LMBR1: variants seen among roughly 807,000 people sequenced by gnomAD.
The protein encoded by LMBR1 is limb region 1 protein homolog.
LMBR1 carries 52 observed loss-of-function variants against 73.9 expected under a neutral mutation model. The ratio of observed to expected loss-of-function variants is 0.70; its 90% CI spans 0.56 to 0.89. The LOEUF (loss-of-function observed/expected upper bound fraction) is 0.89, where lower values mean the gene tolerates loss of function less well. LMBR1 is among the 40% of genes least tolerant of loss of function. The pLI, the probability that LMBR1 is intolerant of heterozygous loss-of-function variation, is 0.00. For synonymous variants in LMBR1, 215 were observed against 209.4 expected, an observed-to-expected ratio of 1.03 and a Z score of -0.23; for missense variants, 539 against 579.8, an observed-to-expected ratio of 0.93 and a Z score of 0.72.
chr7:156,798,834 C>G (rs886384226), intron 4 of LMBR1, among the ~76,000 whole-genome samples: 1 of 152,084 alleles, frequency 6.6e-6, no homozygotes, highest in African/African-American at 2.4e-5. Flanking sequence ...GAATTATATT[C>G]ATTTTACACA....
At chr7:156,861,016 G>A (rs1261593104) in intron 1 of LMBR1, among the ~76,000 whole-genome samples, 1 of 152,230 alleles carries the variant, frequency 6.6e-6, no homozygotes, top group African/African-American at 2.4e-5. Flanking sequence ...GGGTCTGGAG[G>A]ATGGTGGCCC....
intron 15 of LMBR1, among the ~76,000 whole-genome samples, chr7:156,717,880 G>A (rs1813566815): frequency 1.3e-5 from 2 of 152,190 alleles, no homozygotes; most frequent in Admixed American, 1.3e-4. Context: ...GTATACATAT[G>A]CACAGGAAAA....
chr7:156,871,090 A>C (rs1799218847), intron 1 of LMBR1, among the ~76,000 whole-genome samples: 1 of 152,112 alleles, frequency 6.6e-6, no homozygotes, highest in Non-Finnish European at 1.5e-5. Flanking sequence ...AGAAGACTCA[A>C]ATAAGAAAGG....
intron 15 of LMBR1, among the ~76,000 whole-genome samples, chr7:156,693,626 A>T (rs988807607): frequency 6.6e-6 from 1 of 152,202 alleles, no homozygotes; most frequent in Non-Finnish European, 1.5e-5. Context: ...ACTAATAAAC[A>T]AGAAGATTGA....
At chr7:156,856,268 T>C (rs1796962930) in intron 1 of LMBR1, among the ~76,000 whole-genome samples, 1 of 152,134 alleles carries the variant, frequency 6.6e-6, no homozygotes, top group South Asian at 2.1e-4. Context: ...AAAAGAAAAC[T>C]GAAGGAATTT....
chr7:156,833,602 C>CT lies in LMBR1; in HGVS notation c.179+150dup, dbSNP rs1235918862. 13 of 507,926 alleles carry CT rather than the reference C, an allele frequency of 2.6e-5. No homozygotes were observed. In the African/African-American group the frequency reaches 3.2e-4, roughly 12 times the overall value. The allele number at this position is 507,926 out of a possible 1,614,324, so 31.5% of individuals were successfully genotyped here. A position where few individuals can be genotyped will look rare whatever the true frequency, so the allele number is the denominator to read the frequency against. On this transcript the variant is annotated intron_variant, in intron 3 of 16. Coordinates refer to ENST00000353442, the MANE Select transcript of LMBR1 (RefSeq NM_022458.4). The stretch of plus-strand genomic sequence containing the variant: ...AGATTGGATTATCCACACATATTTG[C>CT]TTACATGTGCTTTCTAAAATTAATA...
At chr7:156,698,858 T>C (rs1808959939) in intron 15 of LMBR1, among the ~76,000 whole-genome samples, 2 of 152,268 alleles carry the variant, frequency 1.3e-5, no homozygotes, top group Admixed American at 6.5e-5. Flanking sequence ...CTTCTGCAGC[T>C]GGCTTGAATT....
intron 1 of LMBR1, among the ~76,000 whole-genome samples, chr7:156,880,069 T>C (rs1427077368): frequency 1.3e-5 from 2 of 152,208 alleles, no homozygotes; most frequent in Non-Finnish European, 2.9e-5. Flanking sequence ...AGCAGCACAA[T>C]GTGCAGTTGC....
At chr7:156,828,825 A>C (rs1267518619) in intron 3 of LMBR1, among the ~76,000 whole-genome samples, 2 of 152,132 alleles carry the variant, frequency 1.3e-5, no homozygotes, top group African/African-American at 4.8e-5. Context: ...CTCTTCGAAT[A>C]ATCTGATCAA....
chr7:156,763,517 A>T, intron 6 of LMBR1, 152 bp downstream of exon 6: 1 of 604,396 alleles, frequency 1.7e-6, no homozygotes, highest in Non-Finnish European at 2.6e-6. Flanking sequence ...TTTTTAGATA[A>T]AAATATCTAA....
chr7:156,817,682 T>TAAATGCAAACACC (rs1258390013), intron 4 of LMBR1, among the ~76,000 whole-genome samples: 1 of 152,146 alleles, frequency 6.6e-6, no homozygotes, highest in African/African-American at 2.4e-5. Context: ...GTCCATTGTA[T>TAAATGCAAACACC]AAATGCAAAC....
chr7:156,867,898 T>C (rs1463576238), intron 1 of LMBR1, among the ~76,000 whole-genome samples: 2 of 152,262 alleles, frequency 1.3e-5, no homozygotes. Context: ...AACTACCGAA[T>C]TGGATAAATT....
intron 3 of LMBR1, among the ~76,000 whole-genome samples, chr7:156,827,943 T>G (rs568211813): frequency 1.3e-5 from 2 of 152,334 alleles, no homozygotes; most frequent in African/African-American, 4.8e-5. Flanking sequence ...TGAATTCATT[T>G]TGCTCAATAG....
At chr7:156,694,058 G>T (rs1013947332) in intron 15 of LMBR1, among the ~76,000 whole-genome samples, 2 of 152,178 alleles carry the variant, frequency 1.3e-5, no homozygotes, top group Non-Finnish European at 2.9e-5. Flanking sequence ...CACATGATTA[G>T]CTCAGTAGAT....
At chr7:156,846,263 T>C (rs1317892940) in intron 1 of LMBR1, among the ~76,000 whole-genome samples, 2 of 151,808 alleles carry the variant, frequency 1.3e-5, no homozygotes, top group Admixed American at 1.3e-4. Context: ...GGATGACAGA[T>C]AGAAACCCTG....
intron 1 of LMBR1, among the ~76,000 whole-genome samples, chr7:156,860,290 CA>C (rs1339619219): frequency 1.3e-5 from 2 of 152,126 alleles, no homozygotes; most frequent in Admixed American, 1.3e-4. Context: ...ACATGGATGG[CA>C]ACAGGCAAAG....
chr7:156,885,278 G>C (rs760032987), intron 1 of LMBR1, among the ~76,000 whole-genome samples: 1 of 151,590 alleles, frequency 6.6e-6, no homozygotes, highest in Non-Finnish European at 1.5e-5. Context: ...ACTGGAATCT[G>C]GAAGGCGGAG....
intron 4 of LMBR1, among the ~76,000 whole-genome samples, chr7:156,802,933 G>A (rs368694050): frequency 0.026 from 4,013 of 151,584 alleles, 182 homozygotes; most frequent in African/African-American, 0.092. Context: ...GGTGCTGGGA[G>A]AACTGGCTAG....
chr7:156,804,063 C>A (rs1309765188), intron 4 of LMBR1, among the ~76,000 whole-genome samples: 1 of 151,686 alleles, frequency 6.6e-6, no homozygotes, highest in Non-Finnish European at 1.5e-5. Context: ...ATGATGGGTG[C>A]AGCACACCAA....
Sources: allele counts gnomAD v4.1 joint callset (sites outside exome capture counted in the v4.1 genomes callset), GRCh38; gene constraint gnomAD v4.1.1; transcripts MANE v1.5; gene names NCBI Gene and HGNC (gene_info 2026-07-23, HGNC 2026-07-21).